The following MAST4 variants were observed in gnomAD, a reference collection of about 807,000 sequenced individuals.
The protein encoded by MAST4 is microtubule-associated serine/threonine-protein kinase 4.
Under a neutral mutation model 162.7 loss-of-function variants are expected in MAST4, and 89 were observed. The observed-to-expected ratio is 0.55, with a 90% CI of 0.46 to 0.65. The LOEUF is 0.65. Among genes scored for constraint, MAST4 ranks in the 30% least tolerant of loss-of-function variants. The pLI is 0.00. For missense variants in MAST4, 3,153 were observed against 3,374.0 expected (o/e 0.93, Z 1.62); for synonymous variants, 1,479 against 1,361.1 (o/e 1.09, Z -1.91).
At chr5:66,952,978 C>G (rs568064556) in intron 4 of MAST4, among the ~76,000 whole-genome samples, 6 of 152,312 alleles carry the variant, frequency 3.9e-5, no homozygotes, top group Admixed American at 2.6e-4. Flanking sequence ...ATGTACCTTT[C>G]TGTCTCATCC....
In MAST4 at chr5:67,165,777, C is replaced by T; in HGVS notation, c.6598C>T (p.Pro2200Ser). 6.2e-7 allele frequency: 1 copy of T among 1,604,080 alleles called. No homozygotes were observed. Among genetic ancestry groups the T allele is most frequent in the East Asian group, 2.3e-5 (1 of 44,234 alleles). ...CCACAAGCCCCGGCCTGGCCCTGACCCGGGCCCTCCAAAGACTAAGCACCC... is the reference window on the plus strand; with the variant it reads ...CCACAAGCCCCGGCCTGGCCCTGACTCGGGCCCTCCAAAGACTAAGCACCC... Reference protein sequence around the residue: ...SSHKPRPGPDPGPPKTKHPDR... With the variant: ...SSHKPRPGPDSGPPKTKHPDR... The change falls in exon 29 of 29, where the codon CCG (proline) becomes TCG (serine). Residue 2200 changes from proline to serine, a missense_variant. Pro to Ser is a moderately conservative substitution (Grantham distance 74, BLOSUM62 -1). This residue lies in a region of MAST4 where 1,644 missense variants were observed against 1,495.0 expected (regional missense o/e 1.10). Coordinates refer to ENST00000403625, the MANE Select transcript of MAST4 (RefSeq NM_001164664.2).
chr5:67,007,702 A>G (rs1441185639), intron 4 of MAST4, among the ~76,000 whole-genome samples: 1 of 152,142 alleles, frequency 6.6e-6, no homozygotes. Context: ...TCTTACCTTA[A>G]ACCTTTATTA....
chr5:66,867,263 T>C (rs1172568556), intron 3 of MAST4, among the ~76,000 whole-genome samples: 31 of 152,206 alleles, frequency 2.0e-4, no homozygotes, highest in Admixed American at 2.0e-3. Flanking sequence ...AACTTATACC[T>C]GATTTAAAGA....
rs1767239103 is a variant in MAST4 at position 67,118,820 on chromosome 5, G to C, written c.1659+71G>C. 4 of 867,546 alleles carry C rather than the reference G, an allele frequency of 4.6e-6. No individual in the cohort carries two copies. The East Asian group carries it at 1.1e-4, about 23-fold the overall frequency. The allele number at this position is 867,546 out of a possible 1,614,324, so 53.7% of individuals were successfully genotyped here. ...GCATCTGGAGACTTTGGCTATGTTAGTTTATTTGTTCAACAAATGTTTATT... is the reference window on the plus strand; with the variant it reads ...GCATCTGGAGACTTTGGCTATGTTACTTTATTTGTTCAACAAATGTTTATT... On this transcript the variant is annotated intron_variant, in intron 13 of 28. Transcript: ENST00000403625.
At chr5:67,119,592 T>A (rs1476959899) in intron 13 of MAST4, among the ~76,000 whole-genome samples, 1 of 152,236 alleles carries the variant, frequency 6.6e-6, no homozygotes, top group African/African-American at 2.4e-5. Context: ...ATGAGATTTT[T>A]ATGTAAAACG....
chr5:66,964,525 G>A (rs1459723442), intron 4 of MAST4, among the ~76,000 whole-genome samples: 1 of 151,798 alleles, frequency 6.6e-6, no homozygotes, highest in Non-Finnish European at 1.5e-5. Flanking sequence ...TATGGGGCTG[G>A]GCACGGTGGC....
intron 10 of MAST4, among the ~76,000 whole-genome samples, chr5:67,109,748 G>C (rs991335276): frequency 6.6e-6 from 1 of 152,120 alleles, no homozygotes; most frequent in African/African-American, 2.4e-5. Flanking sequence ...GGAAAATCAA[G>C]GTTCTTGATC....
chr5:66,937,151 T>C (rs1161564871), intron 4 of MAST4, among the ~76,000 whole-genome samples: 1 of 152,198 alleles, frequency 6.6e-6, no homozygotes, highest in Non-Finnish European at 1.5e-5. Context: ...AATAAATATT[T>C]AAGCCCCTAC....
At position 66,748,886 on chromosome 5, in the gene MAST4, G is replaced by GT. The variant is rs150999747; in HGVS notation, c.364-10822dup. Among the ~76,000 whole-genome samples the GT allele has an allele frequency of 9.0e-3, 1,363 of 152,014 alleles. 19 individuals carry two copies. The highest frequency in any genetic ancestry group is 0.031 in the African/African-American group (1,303 of 41,432). On this transcript the variant is annotated intron_variant, in intron 1 of 28. Transcript: ENST00000403625. ...AAATCAATTAATAGGTCCCAGGATG[G>GT]TGTGGTCTAGGACTGTAGAGGTCTT...
intron 11 of MAST4, among the ~76,000 whole-genome samples, chr5:67,112,244 G>C (rs562382640): frequency 6.6e-6 from 1 of 152,094 alleles, no homozygotes; most frequent in African/African-American, 2.4e-5. Flanking sequence ...CATCCCTTTG[G>C]GCATAGAGGA....
At chr5:66,817,252 T>A (rs1756774496) in intron 3 of MAST4, among the ~76,000 whole-genome samples, 1 of 152,332 alleles carries the variant, frequency 6.6e-6, no homozygotes, top group Non-Finnish European at 1.5e-5. Context: ...AACAAAATAG[T>A]AATACAATGA....
intron 3 of MAST4, among the ~76,000 whole-genome samples, chr5:66,839,368 C>T (rs934799306): frequency 9.2e-5 from 14 of 152,014 alleles, no homozygotes; most frequent in African/African-American, 3.1e-4. Flanking sequence ...TGTAAAGTTA[C>T]CAACTATAAT....
chr5:66,941,339 T>G (rs1326761339), intron 4 of MAST4, among the ~76,000 whole-genome samples: 1 of 152,184 alleles, frequency 6.6e-6, no homozygotes, highest in Non-Finnish European at 1.5e-5. Context: ...TGTTGTTTAG[T>G]GTAGCTAGAT....
chr5:67,032,113 C>A (rs1279157466), intron 4 of MAST4, among the ~76,000 whole-genome samples: 2 of 152,078 alleles, frequency 1.3e-5, no homozygotes, highest in African/African-American at 2.4e-5. Flanking sequence ...TTTGCAGTTG[C>A]CTAAATCTTT....
chr5:66,996,737 C>T (rs1331352446), intron 4 of MAST4, among the ~76,000 whole-genome samples: 1 of 152,158 alleles, frequency 6.6e-6, no homozygotes, highest in African/African-American at 2.4e-5. Context: ...CACATTGCTG[C>T]CTTCTTCAAG....
chr5:66,623,835 G>T (rs889965944), intron 1 of MAST4, among the ~76,000 whole-genome samples: 5 of 152,150 alleles, frequency 3.3e-5, no homozygotes, highest in African/African-American at 4.8e-5. Flanking sequence ...TCTGTTTGCA[G>T]GTGTCATGAT....
At chr5:66,952,927 G>T (rs1407240410) in intron 4 of MAST4, among the ~76,000 whole-genome samples, 1 of 152,136 alleles carries the variant, frequency 6.6e-6, no homozygotes, top group Admixed American at 6.5e-5. Context: ...GACCTTATGT[G>T]TGTCTTTATT....
Position 67,164,091 on chromosome 5 carries a change from C to A in MAST4, c.4912C>A (p.Arg1638=), listed in dbSNP as rs767639273. 5.1e-6 allele frequency: 8 copies of A among 1,570,180 alleles called. No individual in the cohort carries two copies. Among genetic ancestry groups the A allele is most frequent in the Non-Finnish European group, 6.9e-6 (8 of 1,157,240 alleles). Residue 1638 remains arginine (R), a synonymous_variant, in exon 29 of 29, where the codon CGG becomes AGG. Transcript: ENST00000403625. This position sits in a 1 kb window ranked among gnomAD's most constrained non-coding sequence, Gnocchi z 5.3. ...EHRQGGGDFR[R]APAPGTLQDG... ...CCGCCAGGGTGGCGGGGACTTCAGA[C>A]GGGCCCCCGCTCCTGGCACCCTCCA...
intron 4 of MAST4, among the ~76,000 whole-genome samples, chr5:66,932,654 A>T (rs1393287507): frequency 6.6e-6 from 1 of 152,180 alleles, no homozygotes; most frequent in African/African-American, 2.4e-5. Context: ...AGTTTTCTCC[A>T]TATTGGGGTT....
Sources: allele counts gnomAD v4.1 joint callset (sites outside exome capture counted in the v4.1 genomes callset), GRCh38; gene constraint gnomAD v4.1.1; regional missense constraint gnomAD v4.1.1; non-coding constraint Gnocchi (gnomAD v3.1); transcripts MANE v1.5; gene names NCBI Gene and HGNC (gene_info 2026-07-23, HGNC 2026-07-21).